Variants in FOXN3 observed in about 807,000 individuals in gnomAD.
The protein encoded by FOXN3 is forkhead box N3.
FOXN3 carries 7 observed loss-of-function variants against 38.4 expected under a neutral mutation model. The ratio of observed to expected loss-of-function variants is 0.18; its 90% CI spans 0.10 to 0.34. The LOEUF (loss-of-function observed/expected upper bound fraction) is 0.34. FOXN3 is among the 10% of genes least tolerant of loss of function. The pLI is 1.00. For missense variants in FOXN3, 456 were observed against 613.4 expected (o/e 0.74, Z 2.71); for synonymous variants, 230 against 242.2 (o/e 0.95, Z 0.47).
At chr14:89,374,507 A>G (rs1890414691) in intron 2 of FOXN3, among the ~76,000 whole-genome samples, 1 of 152,100 alleles carries the variant, frequency 6.6e-6, no homozygotes, top group South Asian at 2.1e-4. Context: ...TAACATCCAA[A>G]AACTAGAAAT....
chr14:89,441,919 T>C (rs1361098193), intron 1 of FOXN3, among the ~76,000 whole-genome samples: 5 of 124,596 alleles, frequency 4.0e-5, no homozygotes, highest in African/African-American at 1.2e-4. Context: ...TGAAACCGGC[T>C]GACTTTTTTT....
At chr14:89,470,879 C>A (rs1014306462) in intron 1 of FOXN3, among the ~76,000 whole-genome samples, 2 of 152,162 alleles carry the variant, frequency 1.3e-5, no homozygotes, top group Non-Finnish European at 2.9e-5. Context: ...GGGGGAGGAA[C>A]CTTCTCTACC....
intron 1 of FOXN3, among the ~76,000 whole-genome samples, chr14:89,499,077 G>A (rs376142998): frequency 4.6e-5 from 7 of 152,006 alleles, no homozygotes; most frequent in South Asian, 2.1e-4. Flanking sequence ...GAGGTCACCC[G>A]TCCAGGAAAA....
At chr14:89,473,080 A>C (rs1893139321) in intron 1 of FOXN3, among the ~76,000 whole-genome samples, 1 of 152,052 alleles carries the variant, frequency 6.6e-6, no homozygotes, top group African/African-American at 2.4e-5. Context: ...GCTGGAGTGC[A>C]GTGGCGCGAT....
At chr14:89,457,219 T>C (rs893921975) in intron 1 of FOXN3, among the ~76,000 whole-genome samples, 5 of 152,160 alleles carry the variant, frequency 3.3e-5, no homozygotes. Context: ...AGTTGGTGCA[T>C]TCTTTCTAGA....
At chr14:89,355,350 CCCG>C (rs1889170604) in intron 2 of FOXN3, 1 of 151,946 alleles carries the variant, frequency 6.6e-6, no homozygotes, top group African/African-American at 2.4e-5. Context: ...GCCTCAGTCT[CCCG>C]AGAGGCTGGG....
chr14:89,506,143 A>T (rs1218194508), intron 1 of FOXN3, among the ~76,000 whole-genome samples: 1 of 94,730 alleles, frequency 1.1e-5, no homozygotes, highest in African/African-American at 3.8e-5. Flanking sequence ...GGCCGCCCCT[A>T]CTGGGAAGTG....
chr14:89,609,611 A>G (rs952297877), intron 1 of FOXN3, among the ~76,000 whole-genome samples: 1 of 152,150 alleles, frequency 6.6e-6, no homozygotes, highest in Non-Finnish European at 1.5e-5. Context: ...GTACTTATGG[A>G]AATATCACCT....
intron 2 of FOXN3, among the ~76,000 whole-genome samples, chr14:89,360,809 C>T (rs137988678): frequency 0.026 from 1,954 of 76,594 alleles, 95 homozygotes; most frequent in Non-Finnish European, 0.03. Context: ...CCTCCAGCAC[C>T]ACCTCCACCA....
chr14:89,194,686 TAA>T (rs1249437392), intron 4 of FOXN3, among the ~76,000 whole-genome samples: 4 of 148,998 alleles, frequency 2.7e-5, no homozygotes, highest in Non-Finnish European at 5.9e-5. Context: ...CCCTTTTTAT[TAA>T]AAGTCATGAA....
intron 1 of FOXN3, among the ~76,000 whole-genome samples, chr14:89,610,697 T>C (rs1372395669): frequency 6.6e-6 from 1 of 152,214 alleles, no homozygotes; most frequent in African/African-American, 2.4e-5. Flanking sequence ...AAGAAACCTA[T>C]GAGAATTACA....
chr14:89,277,665 G>A (rs1021891531), intron 4 of FOXN3, among the ~76,000 whole-genome samples: 4 of 152,114 alleles, frequency 2.6e-5, no homozygotes, highest in African/African-American at 9.7e-5. Flanking sequence ...AATTGGTTTT[G>A]TGCTGGGAAA....
chr14:89,236,341 C>T (rs994145047), intron 4 of FOXN3, among the ~76,000 whole-genome samples: 15 of 152,250 alleles, frequency 9.9e-5, no homozygotes, highest in Admixed American at 9.8e-4. Context: ...CAGTGAAACC[C>T]CATCTCTACT....
At chr14:89,386,309 G>A (rs1484862218) in intron 2 of FOXN3, among the ~76,000 whole-genome samples, 2 of 152,236 alleles carry the variant, frequency 1.3e-5, no homozygotes, top group Non-Finnish European at 2.9e-5. Context: ...CGAGGAGTGT[G>A]TCATCTGCTC....
At chr14:89,455,511 C>A (rs1270251620) in intron 1 of FOXN3, among the ~76,000 whole-genome samples, 1 of 152,198 alleles carries the variant, frequency 6.6e-6, no homozygotes, top group African/African-American at 2.4e-5. Context: ...GTCAGTTCCA[C>A]GCAAGTTCCA....
intron 1 of FOXN3, among the ~76,000 whole-genome samples, chr14:89,435,836 A>G (rs1245814041): frequency 2.6e-5 from 4 of 152,062 alleles, no homozygotes; most frequent in South Asian, 2.1e-4. Context: ...AAGCCTCCCA[A>G]TGGCTACAGT....
intron 1 of FOXN3, among the ~76,000 whole-genome samples, chr14:89,608,180 C>T (rs938721630): frequency 9.2e-5 from 13 of 140,818 alleles, no homozygotes; most frequent in Admixed American, 3.0e-4. Context: ...GGGGTTTCAC[C>T]CCATCCTGTT....
intron 2 of FOXN3, among the ~76,000 whole-genome samples, chr14:89,379,478 G>A (rs932743531): frequency 6.6e-6 from 1 of 152,044 alleles, no homozygotes; most frequent in African/African-American, 2.4e-5. Context: ...CCGCTCCCCC[G>A]ACAATCTCAC....
At chr14:89,201,709 C>T (rs1400223946) in intron 4 of FOXN3, among the ~76,000 whole-genome samples, 1 of 152,184 alleles carries the variant, frequency 6.6e-6, no homozygotes, top group Admixed American at 6.5e-5. Flanking sequence ...TGTTTTTCCC[C>T]CTCTCTATGC....
Sources: allele counts gnomAD v4.1 joint callset (sites outside exome capture counted in the v4.1 genomes callset), GRCh38; gene constraint gnomAD v4.1.1; transcripts MANE v1.5; gene names NCBI Gene and HGNC (gene_info 2026-07-23, HGNC 2026-07-21).